The following ESRRG variants were observed in gnomAD, a reference collection of about 807,000 sequenced individuals.
ESRRG encodes the protein estrogen related receptor gamma, also known as estrogen-related receptor gamma.
A neutral mutation model predicts 44.0 loss-of-function variants in ESRRG; 13 were observed. That is an observed-to-expected ratio of 0.30 (90% confidence interval 0.19 to 0.47). The LOEUF is 0.47. Among genes scored for constraint, ESRRG ranks in the 20% least tolerant of loss-of-function variants. The probability of loss-of-function intolerance (pLI) is 1.00; values close to 1 mark genes in which losing one functional copy is unlikely to be tolerated. For missense variants in ESRRG, 395 were observed against 580.6 expected, an observed-to-expected ratio of 0.68 and a Z score of 3.29; for synonymous variants, 215 against 214.6, an observed-to-expected ratio of 1.00 and a Z score of -0.02.
chr1:216,890,847 C>T (rs2057686968), intron 2 of ESRRG, among the ~76,000 whole-genome samples: 1 of 152,166 alleles, frequency 6.6e-6, no homozygotes, highest in Admixed American at 6.6e-5. Flanking sequence ...AAACTGTGTG[C>T]ATGTCTCTCC....
chr1:216,833,301 G>T (rs373415837), intron 2 of ESRRG, among the ~76,000 whole-genome samples: 2 of 152,140 alleles, frequency 1.3e-5, no homozygotes, highest in East Asian at 3.9e-4. Flanking sequence ...GTGTAATTTA[G>T]AAATAACGTG....
intron 3 of ESRRG, among the ~76,000 whole-genome samples, chr1:216,575,842 A>G (rs141278202): frequency 6.6e-6 from 1 of 152,132 alleles, no homozygotes; most frequent in African/African-American, 2.4e-5. Flanking sequence ...TGGGGCACAT[A>G]TAAAAGGTAG....
chr1:216,644,545 C>T (rs184347899), intron 3 of ESRRG, among the ~76,000 whole-genome samples: 2 of 151,616 alleles, frequency 1.3e-5, no homozygotes, highest in Non-Finnish European at 2.9e-5. Context: ...CCTCCCACCT[C>T]AGCCTCTGGA....
At chr1:216,735,356 A>G (rs1278801257) in intron 2 of ESRRG, among the ~76,000 whole-genome samples, 1 of 145,574 alleles carries the variant, frequency 6.9e-6, no homozygotes, top group Non-Finnish European at 1.5e-5. Context: ...GTGTGCCACC[A>G]TACCCAGCTA....
intron 6 of ESRRG, among the ~76,000 whole-genome samples, chr1:216,509,566 A>G (rs915738864): frequency 1.3e-5 from 2 of 152,172 alleles, no homozygotes; most frequent in Non-Finnish European, 2.9e-5. Flanking sequence ...CAGGAGATAT[A>G]TTATAGGATG....
chr1:216,871,242 T>C (rs896547622), intron 2 of ESRRG, among the ~76,000 whole-genome samples: 3 of 152,080 alleles, frequency 2.0e-5, no homozygotes, highest in Non-Finnish European at 2.9e-5. Context: ...TCTTTGACCA[T>C]GGATTATTTA....
rs971126575 is a variant in ESRRG, at chr1:216,506,246, A to T, written c.*693T>A. ...CACTCAGTCAATTTGTATATGTTGCACTGTACTTTTAGGAACGTTGGTTCT... is the reference window on the plus strand; with the variant it reads ...CACTCAGTCAATTTGTATATGTTGCTCTGTACTTTTAGGAACGTTGGTTCT... On this transcript the variant is annotated 3_prime_UTR_variant, in exon 7 of 7. Transcript: ENST00000408911. 5.4e-6 allele frequency: 1 copy of T among 184,878 alleles called. No individual in the cohort carries two copies. Among genetic ancestry groups the T allele is most frequent in the African/African-American group, 2.4e-5 (1 of 42,042 alleles). The allele number at this position is 184,878 out of a possible 1,614,324, so 11.5% of individuals were successfully genotyped here. A position where few individuals can be genotyped will look rare whatever the true frequency, so the allele number is the denominator to read the frequency against.
At chr1:216,834,533 G>A (rs537941333) in intron 2 of ESRRG, among the ~76,000 whole-genome samples, 1 of 152,266 alleles carries the variant, frequency 6.6e-6, no homozygotes, top group East Asian at 1.9e-4. Context: ...AATGGAGATG[G>A]ATATTGGAGT....
intron 1 of ESRRG, among the ~76,000 whole-genome samples, chr1:216,961,946 C>T (rs1468206913): frequency 6.6e-6 from 1 of 152,104 alleles, no homozygotes; most frequent in Admixed American, 6.6e-5. Flanking sequence ...AAAGGAATTT[C>T]CCACTATGAT....
intron 1 of ESRRG, among the ~76,000 whole-genome samples, chr1:216,984,484 C>T (rs1208966189): frequency 2.0e-5 from 3 of 152,222 alleles, no homozygotes; most frequent in Non-Finnish European, 4.4e-5. Context: ...CAGAAACAAA[C>T]ATCTGTTTTG....
Position 216,672,011 on chromosome 1 carries a change from AAAAAG to A in ESRRG, c.472+5060_472+5064del, listed in dbSNP as rs200690883. On this transcript the variant is annotated intron_variant, in intron 2 of 6. Transcript: ENST00000408911. ...AACTCTTAATGAGAAGTTCCCAAAA[AAAAAG>A]AAAAGAAAAGAAGGAAGGAAGGAAA... Among the ~76,000 whole-genome samples the A allele has an allele frequency of 8.2e-4, 124 of 150,928 alleles. 1 individual carries two copies. In the East Asian group the frequency reaches 0.015, roughly 18 times the overall value.
At chr1:217,105,495 A>G (rs2151575458) in intron 1 of ESRRG, among the ~76,000 whole-genome samples, 1 of 152,264 alleles carries the variant, frequency 6.6e-6, no homozygotes, top group South Asian at 2.1e-4. Flanking sequence ...CTTAGTCAGA[A>G]TGGTCCGAGT....
At chr1:217,066,876 T>G (rs2089804643) in intron 1 of ESRRG, among the ~76,000 whole-genome samples, 1 of 152,178 alleles carries the variant, frequency 6.6e-6, no homozygotes, top group Admixed American at 6.5e-5. Flanking sequence ...TCTGAGCCAT[T>G]TTGAAATAGA....
intron 1 of ESRRG, among the ~76,000 whole-genome samples, chr1:216,972,450 G>A (rs1202387807): frequency 6.6e-6 from 1 of 152,170 alleles, no homozygotes; most frequent in Non-Finnish European, 1.5e-5. Flanking sequence ...CAAGTACACA[G>A]TCAAATGTAC....
intron 3 of ESRRG, among the ~76,000 whole-genome samples, chr1:216,601,451 C>A (rs2059247356): frequency 6.6e-6 from 1 of 152,198 alleles, no homozygotes. Flanking sequence ...ATCAGAGACA[C>A]AAGTGCGGAT....
intron 2 of ESRRG, among the ~76,000 whole-genome samples, chr1:216,934,223 C>T (rs946089551): frequency 6.6e-6 from 1 of 152,110 alleles, no homozygotes; most frequent in Admixed American, 6.5e-5. Context: ...CACTTGAGGT[C>T]AGGAGTTCAA....
At chr1:216,942,831 A>G (rs566925838) in intron 1 of ESRRG, among the ~76,000 whole-genome samples, 1 of 152,184 alleles carries the variant, frequency 6.6e-6, no homozygotes, top group East Asian at 1.9e-4. Context: ...TAGTATGCAT[A>G]GTTTACAAAT....
chr1:216,688,992 C>T (rs2078559008), intron 1 of ESRRG, among the ~76,000 whole-genome samples: 1 of 152,104 alleles, frequency 6.6e-6, no homozygotes, highest in Non-Finnish European at 1.5e-5. Context: ...CACACATTAA[C>T]TTCCCTCAAT....
intron 1 of ESRRG, among the ~76,000 whole-genome samples, chr1:216,957,830 C>G (rs982868512): frequency 1.3e-5 from 2 of 152,160 alleles, no homozygotes; most frequent in African/African-American, 4.8e-5. Flanking sequence ...ATAAGACACA[C>G]AGATTTTAGG....
Sources: gnomAD v4.1 joint callset for allele counts (sites outside exome capture counted in the v4.1 genomes callset) on GRCh38, gnomAD v4.1.1 for gene constraint, MANE v1.5 for transcripts, NCBI Gene and HGNC (gene_info 2026-07-23, HGNC 2026-07-21) for gene names.